PRPF18: variants seen among roughly 807,000 people sequenced by gnomAD.
The protein encoded by PRPF18 is pre-mRNA-splicing factor 18.
A neutral mutation model predicts 46.5 loss-of-function variants in PRPF18; 38 were observed. The ratio of observed to expected loss-of-function variants is 0.82; its 90% confidence interval spans 0.63 to 1.07. The LOEUF is 1.07. Among genes scored for constraint, PRPF18 ranks in the 50% least tolerant of loss-of-function variants. PRPF18 has a pLI of 0.00. For missense variants in PRPF18, 263 were observed against 410.0 expected (o/e 0.64, Z 3.10); for synonymous variants, 152 against 146.7 (o/e 1.04, Z -0.26).
At chr10:13,648,768 T>G in the PRPF18 span, 1 of 152,206 alleles carries the variant, frequency 6.6e-6, no homozygotes, top group Non-Finnish European at 1.5e-5. Flanking sequence ...TACTGGCACA[T>G]GTAAGTAGTT....
chr10:13,591,023 G>A (rs1378214949), intron 1 of PRPF18, among the ~76,000 whole-genome samples: 1 of 152,206 alleles, frequency 6.6e-6, no homozygotes, highest in East Asian at 1.9e-4. Context: ...ACAAGGCAAT[G>A]CTGTTTTCAT....
chr10:13,605,475 G>T (rs1237620204), intron 3 of PRPF18, among the ~76,000 whole-genome samples, 156 bp from the exon 4 acceptor site: 1 of 151,450 alleles, frequency 6.6e-6, no homozygotes, highest in African/African-American at 2.4e-5. Flanking sequence ...CCAGCTACTC[G>T]GGAGGCTGAG....
chr10:13,635,841 G>A (rs190957813), downstream of PRPF18, among the ~76,000 whole-genome samples: 152 of 152,168 alleles, frequency 1.0e-3, 1 homozygote, highest in African/African-American at 3.3e-3. Flanking sequence ...ATTCTTTTTT[G>A]ATTTTTTTTA....
chr10:13,612,841 T>C (rs2080290837), intron 6 of PRPF18, among the ~76,000 whole-genome samples: 1 of 152,132 alleles, frequency 6.6e-6, no homozygotes, highest in Non-Finnish European at 1.5e-5. Context: ...AATAGCTGCC[T>C]ATTTTTGCTG....
chr10:13,607,812 A>G (rs1395246287), intron 4 of PRPF18, among the ~76,000 whole-genome samples: 1 of 152,188 alleles, frequency 6.6e-6, no homozygotes, highest in Non-Finnish European at 1.5e-5. Context: ...ATTTTCTTCT[A>G]GAAGCTTAAT....
chr10:13,637,154 C>T, the PRPF18 span: 1 of 152,128 alleles, frequency 6.6e-6, no homozygotes, highest in South Asian at 2.1e-4. Context: ...GAATATACAT[C>T]TCTCTATTTA....
In PRPF18 at chr10:13,602,413, G is replaced by A. The variant is rs185205475; in HGVS notation, c.249+2065G>A. On this transcript the variant is annotated intron_variant, in intron 3 of 9. Coordinates refer to ENST00000378572, the MANE Select transcript of PRPF18 (RefSeq NM_003675.4). ...GTTCATAAGTGTGTATGTATCAGAT[G>A]TACATAGTGTATATATATATTTGTC... Among the ~76,000 whole-genome samples the A allele has an allele frequency of 1.1e-3, 167 of 151,840 alleles. 1 individual carries two copies. Among genetic ancestry groups the A allele is most frequent in the African/African-American group, 3.6e-3 (151 of 41,440 alleles).
At chr10:13,587,554 C>A (rs979602550) in intron 1 of PRPF18, among the ~76,000 whole-genome samples, 3 of 152,262 alleles carry the variant, frequency 2.0e-5, no homozygotes, top group Non-Finnish European at 4.4e-5. Flanking sequence ...CACCACCTCT[C>A]AGATGGGAAG....
At chr10:13,608,629 G>A (rs2478120) in intron 4 of PRPF18, among the ~76,000 whole-genome samples, 110,854 of 152,126 alleles carry the variant, frequency 0.73, 40,599 homozygotes, top group East Asian at 0.83. Context: ...TCTATTTTTG[G>A]TCCCAGTCAG....
At chr10:13,635,737 T>C (rs997237426), downstream of PRPF18, among the ~76,000 whole-genome samples, 1 of 152,188 alleles carries the variant, frequency 6.6e-6, no homozygotes, top group African/African-American at 2.4e-5. Context: ...CACTTTTTAA[T>C]GGAGTTGTTT....
At chr10:13,610,840 G>C (rs1167187593) in intron 5 of PRPF18, among the ~76,000 whole-genome samples, 1 of 152,182 alleles carries the variant, frequency 6.6e-6, no homozygotes, top group African/African-American at 2.4e-5. Flanking sequence ...ACCCAGCAGT[G>C]TGAGGGTCCC....
intron 3 of PRPF18, among the ~76,000 whole-genome samples, chr10:13,604,120 A>T (rs908750837): frequency 2.0e-5 from 3 of 152,208 alleles, no homozygotes; most frequent in African/African-American, 7.2e-5. Context: ...CAGGGATCTG[A>T]CAAGGGTGTT....
intron 8 of PRPF18, 84 bp downstream of exon 8, chr10:13,614,170 AT>A: frequency 9.6e-7 from 1 of 1,042,860 alleles, no homozygotes; most frequent in Non-Finnish European, 1.4e-6. Flanking sequence ...GGATAGGAGG[AT>A]TTTACATAGT....
At chr10:13,620,595 T>G (rs925450983) in intron 9 of PRPF18, among the ~76,000 whole-genome samples, 3 of 152,188 alleles carry the variant, frequency 2.0e-5, no homozygotes, top group Non-Finnish European at 4.4e-5. Context: ...ATCCTCCTCC[T>G]CCTATCAGAA....
intron 1 of PRPF18, chr10:13,591,629 A>G (rs1203347447): frequency 1.6e-6 from 1 of 627,484 alleles, no homozygotes; most frequent in Non-Finnish European, 2.9e-6. Context: ...TGTGCTGAAG[A>G]TCTCAGCTTC....
chr10:13,638,874 C>G, the PRPF18 span: 1 of 122,292 alleles, frequency 8.2e-6, no homozygotes, highest in East Asian at 3.2e-4. Flanking sequence ...CAAAATTAAC[C>G]ATCACAGCTG....
chr10:13,637,473 A>G, the PRPF18 span, among the ~76,000 whole-genome samples: 2 of 152,114 alleles, frequency 1.3e-5, no homozygotes, highest in African/African-American at 4.8e-5. Flanking sequence ...TTTGGATGTT[A>G]TCTTTTGTGA....
intron 4 of PRPF18, among the ~76,000 whole-genome samples, chr10:13,606,733 C>CA (rs34162273): frequency 0.01 from 738 of 72,866 alleles, 26 homozygotes; most frequent in Middle Eastern, 0.02. Context: ...GACTCCTTCT[C>CA]AAAAAAAAAA....
the PRPF18 span, chr10:13,648,021 C>G: frequency 6.6e-6 from 1 of 150,662 alleles, no homozygotes; most frequent in African/African-American, 2.4e-5. Flanking sequence ...GTACCAAACA[C>G]AGCTTCACGA....
Sources: allele counts gnomAD v4.1 joint callset (sites outside exome capture counted in the v4.1 genomes callset), GRCh38; gene constraint gnomAD v4.1.1; transcripts MANE v1.5; gene names NCBI Gene and HGNC (gene_info 2026-07-23, HGNC 2026-07-21).